MAPRE3: variants seen among roughly 807,000 people sequenced by gnomAD.
MAPRE3 encodes microtubule-associated protein RP/EB family member 3.
MAPRE3 carries 2 observed loss-of-function variants against 30.5 expected under a neutral mutation model. The ratio of observed to expected loss-of-function variants is 0.07; its 90% CI spans 0.03 to 0.21. MAPRE3 has a LOEUF of 0.21. Among genes scored for constraint, MAPRE3 ranks in the 10% least tolerant of loss-of-function variants. The pLI is 1.00. For synonymous variants in MAPRE3, 110 were observed against 127.7 expected (o/e 0.86, Z 0.93); for missense variants, 204 against 351.8 (o/e 0.58, Z 3.36).
chr2:27,023,202 C>T lies in MAPRE3; in HGVS notation c.122-130C>T, dbSNP rs1271436405. 10 of 956,684 alleles carry T rather than the reference C, an allele frequency of 1.0e-5. No individual in the cohort carries two copies. In the East Asian group the frequency reaches 2.3e-4, roughly 22 times the overall value. 59.3% of individuals were successfully genotyped at this position (956,684 alleles called of 1,614,324 possible). ...CTGGGGGGATTCTGGCCATGTCTATCCTGAAAGTAGGACTGGTCCCTGGCC... is the reference window on the plus strand; with the variant it reads ...CTGGGGGGATTCTGGCCATGTCTATTCTGAAAGTAGGACTGGTCCCTGGCC... On this transcript the variant is annotated intron_variant, in intron 2 of 6. Coordinates refer to ENST00000233121, the MANE Select transcript of MAPRE3 (RefSeq NM_012326.4).
At chr2:26,993,346 G>A (rs948617948) in intron 1 of MAPRE3, among the ~76,000 whole-genome samples, 1 of 152,028 alleles carries the variant, frequency 6.6e-6, no homozygotes, top group African/African-American at 2.4e-5. Context: ...CTCCAGCCTG[G>A]GCAACAAGAG....
In MAPRE3 at chr2:26,974,152, T is replaced by C. The variant is rs180952385; in HGVS notation, c.-8+3350T>C. ...GCTGAGTCAGGATTAGATCTCCAGA[T>C]TTCCAGACTAGAGTTATTCTTCAAC... is the stretch of plus-strand genomic sequence containing the variant. On this transcript the variant is annotated intron_variant, in intron 1 of 6. Coordinates refer to ENST00000233121, the MANE Select transcript of MAPRE3 (RefSeq NM_012326.4). Among the ~76,000 whole-genome samples, 16 of 152,312 alleles carry C rather than the reference T, an allele frequency of 1.1e-4. No individual in the cohort carries two copies. In the East Asian group the frequency reaches 2.9e-3, roughly 28 times the overall value.
At position 27,016,572 on chromosome 2, in the gene MAPRE3, G is replaced by C. The variant is rs544862032; in HGVS notation, c.-7-5640G>C. 1.9e-4 allele frequency among the ~76,000 whole-genome samples: 29 copies of C among 152,098 alleles called. 1 individual carries two copies. Among genetic ancestry groups the C allele is most frequent in the Admixed American group, 5.9e-4 (9 of 15,282 alleles). ...GCTAATTTTTTGTATTTTTAGTAGA[G>C]ACGGGGTTTCACCGTGTTAGCCAAG... is the stretch of plus-strand genomic sequence containing the variant. On this transcript the variant is annotated intron_variant, in intron 1 of 6. Coordinates refer to ENST00000233121, the MANE Select transcript of MAPRE3 (RefSeq NM_012326.4).
At position 27,025,481 on chromosome 2, in the gene MAPRE3, C is replaced by T. The variant is rs1572776653; in HGVS notation, c.470-102C>T. The T allele has an allele frequency of 4.8e-6, 6 of 1,240,726 alleles. No individual in the cohort carries two copies. The East Asian group carries it at 1.2e-4, about 25-fold the overall frequency. 76.9% of individuals were successfully genotyped at this position (1,240,726 alleles called of 1,614,324 possible). A position where few individuals can be genotyped will look rare whatever the true frequency, so the allele number is the denominator to read the frequency against. ...GGGGGCAGGGGGGTGAGAGTGCCTG[C>T]CTGTCGCATGGGCCTGCCCCCGCAG... On this transcript the variant is annotated intron_variant, in intron 4 of 6. Transcript: ENST00000233121.
At chr2:27,004,434 A>G (rs1666676018) in intron 1 of MAPRE3, among the ~76,000 whole-genome samples, 2 of 152,162 alleles carry the variant, frequency 1.3e-5, no homozygotes, top group African/African-American at 4.8e-5. Context: ...TTTCTAGGCA[A>G]AAATATGATA....
At chr2:26,980,396 A>T (rs1343113221) in intron 1 of MAPRE3, among the ~76,000 whole-genome samples, 2 of 152,260 alleles carry the variant, frequency 1.3e-5, no homozygotes, top group African/African-American at 4.8e-5. Context: ...TCTATTCTTT[A>T]TCAGCAAACA....
At chr2:26,993,757 C>T (rs373533319) in intron 1 of MAPRE3, among the ~76,000 whole-genome samples, 11 of 152,124 alleles carry the variant, frequency 7.2e-5, no homozygotes, top group Non-Finnish European at 1.5e-4. Context: ...CTTACCAACT[C>T]GATTTTTGCT....
chr2:26,974,164 A>AG (rs986633778), intron 1 of MAPRE3, among the ~76,000 whole-genome samples: 4 of 152,152 alleles, frequency 2.6e-5, no homozygotes, highest in African/African-American at 7.2e-5. Context: ...TCCAGACTAG[A>AG]GTTATTCTTC....
At chr2:27,017,139 G>A (rs1308637940) in intron 1 of MAPRE3, among the ~76,000 whole-genome samples, 1 of 152,202 alleles carries the variant, frequency 6.6e-6, no homozygotes, top group Admixed American at 6.5e-5. Context: ...TTTGCTCAAA[G>A]GAAACAAGGA....
chr2:27,020,171 A>G (rs1407721991), intron 1 of MAPRE3, among the ~76,000 whole-genome samples: 1 of 152,230 alleles, frequency 6.6e-6, no homozygotes, highest in African/African-American at 2.4e-5. Context: ...AGCTGCCTAT[A>G]GCTCCTAACT....
chr2:26,993,654 G>A (rs1004650080), intron 1 of MAPRE3, among the ~76,000 whole-genome samples: 5 of 152,170 alleles, frequency 3.3e-5, no homozygotes, highest in Admixed American at 3.3e-4. Context: ...AACACTTCAG[G>A]TGGTGACTAA....
At position 27,015,739 on chromosome 2, in the gene MAPRE3, G is replaced by T. The variant is rs1666968159; in HGVS notation, c.-7-6473G>T. Among the ~76,000 whole-genome samples the T allele has an allele frequency of 6.6e-6, 1 of 152,186 alleles. No homozygotes were observed. The highest frequency in any genetic ancestry group is 2.1e-4 in the South Asian group (1 of 4,830). On this transcript the variant is annotated intron_variant, in intron 1 of 6. Transcript: ENST00000233121. The surrounding 1 kb of genome is among the most constrained non-coding windows in gnomAD (Gnocchi z 4.0). ...CTGGTGATAAGGTCATTAAATAATA[G>T]AATGTGAAATTTCAGTTGTGCAGAC...
intron 1 of MAPRE3, among the ~76,000 whole-genome samples, chr2:26,996,707 G>A (rs1666469308): frequency 6.6e-6 from 1 of 152,094 alleles, no homozygotes; most frequent in Non-Finnish European, 1.5e-5. Context: ...GGAGAATGGC[G>A]TGAACCTGAG....
At chr2:26,973,845 G>A (rs1211241557) in intron 1 of MAPRE3, among the ~76,000 whole-genome samples, 2 of 152,174 alleles carry the variant, frequency 1.3e-5, no homozygotes, top group Non-Finnish European at 2.9e-5. Flanking sequence ...GTGAGCCACC[G>A]CGCCTGGCCA....
rs1213901389 is a variant in MAPRE3, at chr2:27,025,885, G to A, written c.630G>A (p.Val210=). The change falls in exon 6 of 7, where the codon GTG becomes GTA. Residue 210 remains valine (V), a synonymous_variant. Transcript: ENST00000233121. Reference sequence around the variant, plus strand: ...ATCACTTTGTCCCCAAGCAGCTGGTGGACTTGAAGCTGACAGTGGATGGGC... The same window carrying A: ...ATCACTTTGTCCCCAAGCAGCTGGTAGACTTGAAGCTGACAGTGGATGGGC... ...AQILELNQQL[V]DLKLTVDGLE... The A allele has an allele frequency of 1.2e-6, 2 of 1,614,182 alleles. No homozygotes were observed. Among genetic ancestry groups the A allele is most frequent in the Admixed American group, 3.3e-5 (2 of 60,026 alleles).
chr2:26,979,447 A>G lies in MAPRE3; in HGVS notation c.-8+8645A>G, dbSNP rs1359604296. Among the ~76,000 whole-genome samples the G allele has an allele frequency of 2.0e-5, 3 of 152,318 alleles. No homozygotes were observed. In the Middle Eastern group the frequency reaches 0.01, roughly 518 times the overall value. On this transcript the variant is annotated intron_variant, in intron 1 of 6. Transcript: ENST00000233121. ...AAAATTGTTTTTAAATTAGCCGGGC[A>G]TGGTGGCATATACCTATAGTCCCAG...
chr2:26,983,346 A>T (rs1308371033), intron 1 of MAPRE3, among the ~76,000 whole-genome samples: 1 of 151,778 alleles, frequency 6.6e-6, no homozygotes, highest in Non-Finnish European at 1.5e-5. Context: ...CTGCCTAGCA[A>T]CTCTCCCCAA....
chr2:27,024,335 CG>C (rs1667184101), intron 4 of MAPRE3, 38 bp downstream of exon 4: 1 of 1,588,998 alleles, frequency 6.3e-7, no homozygotes, highest in Middle Eastern at 1.8e-4. Context: ...CGTGGGGGGC[CG>C]GGCCGGCAGG....
chr2:27,009,648 C>G (rs1666804940), intron 1 of MAPRE3: 1 of 152,200 alleles, frequency 6.6e-6, no homozygotes, highest in Admixed American at 6.5e-5. Flanking sequence ...GCATACAGAG[C>G]TACTGGTGAT....
Sources: gnomAD v4.1 joint callset for allele counts (sites outside exome capture counted in the v4.1 genomes callset) on GRCh38, gnomAD v4.1.1 for gene constraint, Gnocchi (gnomAD v3.1) non-coding constraint, MANE v1.5 for transcripts, NCBI Gene and HGNC (gene_info 2026-07-23, HGNC 2026-07-21) for gene names.